PHF2: variants seen among roughly 807,000 people sequenced by gnomAD.
PHF2 encodes lysine-specific demethylase PHF2.
Under a neutral mutation model 120.5 loss-of-function variants are expected in PHF2, and 27 were observed. The ratio of observed to expected loss-of-function variants is 0.22; its 90% CI spans 0.17 to 0.31. PHF2 has a LOEUF of 0.31. Ranked by LOEUF, PHF2 falls within the 10% of genes least tolerant of loss-of-function variation. PHF2 has a pLI of 1.00. For missense variants in PHF2, 1,024 were observed against 1,434.8 expected, an observed-to-expected ratio of 0.71 and a Z score of 4.63; for synonymous variants, 568 against 592.5, an observed-to-expected ratio of 0.96 and a Z score of 0.60.
intron 1 of PHF2, among the ~76,000 whole-genome samples, chr9:93,606,559 G>GT (rs1825546896): frequency 6.6e-6 from 1 of 152,162 alleles, no homozygotes; most frequent in Non-Finnish European, 1.5e-5. Flanking sequence ...TAATTGGGTT[G>GT]TTTTCTTATT....
rs1826545874 is a variant in PHF2 at position 93,660,524 on chromosome 9, G to A, written c.1662G>A (p.Glu554=). 6.3e-7 allele frequency: 1 copy of A among 1,592,196 alleles called. No homozygotes were observed. Among genetic ancestry groups the A allele is most frequent in the Admixed American group, 1.8e-5 (1 of 56,584 alleles). ...ACCTGCTCGAAGCCCACACCAAGGA[G>A]GCACTGACCAAGATGGAGCCGCCCA... The part of the protein sequence containing the change: ...NLDLLEAHTK[E]ALTKMEPPKK... The change falls in exon 12 of 22, where the codon GAG becomes GAA. Residue 554 remains glutamate (E), a synonymous_variant. Coordinates refer to ENST00000359246, the MANE Select transcript of PHF2 (RefSeq NM_005392.4).
chr9:93,647,305 C>T (rs1344622804), intron 4 of PHF2, among the ~76,000 whole-genome samples: 1 of 152,218 alleles, frequency 6.6e-6, no homozygotes, highest in Non-Finnish European at 1.5e-5. Flanking sequence ...GGGTCCTGCC[C>T]TGCCACCAAG....
At chr9:93,672,283 T>C (rs1587722153) in intron 17 of PHF2, 3 of 156,224 alleles carry the variant, frequency 1.9e-5, no homozygotes, top group African/African-American at 5.6e-5. Context: ...TGGATGTAGG[T>C]ACAGGTGTAG....
intron 1 of PHF2, among the ~76,000 whole-genome samples, chr9:93,594,336 C>T (rs1034859591): frequency 2.6e-5 from 4 of 152,200 alleles, no homozygotes; most frequent in Non-Finnish European, 4.4e-5. Context: ...AAAAGGGCCC[C>T]GCCCAGTCAG....
Position 93,660,359 on chromosome 9 carries a change from G to C in PHF2, c.1497G>C (p.Met499Ile), listed in dbSNP as rs140965931. ...SKKKTPKTVK[M>I]PKPSKIPKPP... ...AAAAGACTCCCAAAACTGTGAAGAT[G>C]CCCAAGCCATCCAAAATCCCCAAGC... Residue 499 changes from methionine (M) to isoleucine (I), a missense_variant, in exon 12 of 22, where the codon ATG (methionine) becomes ATC (isoleucine). Coordinates refer to ENST00000359246, the MANE Select transcript of PHF2 (RefSeq NM_005392.4). The C allele has an allele frequency of 1.9e-6, 3 of 1,593,458 alleles. No homozygotes were observed. In the East Asian group the frequency reaches 6.8e-5, roughly 36 times the overall value.
chr9:93,650,141 C>T (rs200569627), intron 5 of PHF2, among the ~76,000 whole-genome samples: 1 of 150,534 alleles, frequency 6.6e-6, no homozygotes, highest in South Asian at 2.1e-4. Flanking sequence ...CTCACCAACA[C>T]GGTACACTCA....
chr9:93,632,191 A>G (rs552364187), intron 2 of PHF2, among the ~76,000 whole-genome samples: 246 of 152,278 alleles, frequency 1.6e-3, no homozygotes, highest in Non-Finnish European at 2.9e-3. Context: ...CCTGCCCTTG[A>G]TTGCAGCTAA....
intron 14 of PHF2, 102 bp downstream of exon 14, chr9:93,663,737 TACAC>T (rs982632364): frequency 2.9e-6 from 2 of 678,128 alleles, no homozygotes; most frequent in East Asian, 2.5e-5. Context: ...ACACACACAT[TACAC>T]ACACACTATG....
In PHF2 at chr9:93,577,030, C is replaced by T. The variant is rs1273518835; in HGVS notation, c.98+159C>T. On this transcript the variant is annotated intron_variant, in intron 1 of 21. Coordinates refer to ENST00000359246, the MANE Select transcript of PHF2 (RefSeq NM_005392.4). ...GCGCCCCGGTCGGGGCTGGGCCGTG[C>T]CGGGCCGCGCGCCCTTTTGTGCCCA... Among the ~76,000 whole-genome samples, 5 of 143,790 alleles carry T rather than the reference C, an allele frequency of 3.5e-5. No individual in the cohort carries two copies. In the South Asian group the frequency reaches 1.2e-3, roughly 33 times the overall value. The allele number at this position is 143,790 out of a possible 152,430, so 94.3% of individuals were successfully genotyped here.
chr9:93,675,308 A>G (rs913624474), intron 19 of PHF2, among the ~76,000 whole-genome samples: 3 of 152,214 alleles, frequency 2.0e-5, no homozygotes, highest in East Asian at 1.9e-4. Context: ...TTCTTCCTCA[A>G]TGGGCAGCTC....
chr9:93,657,992 G>A (rs547981286), intron 9 of PHF2, among the ~76,000 whole-genome samples, 153 bp from the exon 10 acceptor site: 2 of 152,186 alleles, frequency 1.3e-5, no homozygotes, highest in Non-Finnish European at 2.9e-5. Flanking sequence ...CAGGTTCCAA[G>A]AGGAACTGTT....
At chr9:93,671,743 T>G in intron 17 of PHF2, among the ~76,000 whole-genome samples, 3 of 125,346 alleles carry the variant, frequency 2.4e-5, no homozygotes, top group African/African-American at 6.2e-5. Flanking sequence ...TGGATGTAGG[T>G]ACAGGTGTAG....
rs770305630 is a variant in PHF2 at position 93,660,211 on chromosome 9, G to A, written c.1349G>A (p.Arg450Gln). The A allele has an allele frequency of 9.5e-6, 15 of 1,574,106 alleles. No individual in the cohort carries two copies. In the East Asian group the frequency reaches 2.7e-4, roughly 28 times the overall value. Residue 450 changes from arginine to glutamine, a missense_variant, in exon 12 of 22, where the codon CGA (arginine) becomes CAA (glutamine). This residue lies in a region of PHF2 where 677 missense variants were observed against 857.4 expected (regional missense o/e 0.79). Transcript: ENST00000359246. The part of the protein sequence containing the change: ...RLSENASKAV[R>Q]PEVNTVASSD... Reference sequence around the variant, plus strand: ...TCCCAGAATGCCTCCAAAGCCGTCCGACCGGAAGTGAATACTGTCGCCTCG... The same window carrying A: ...TCCCAGAATGCCTCCAAAGCCGTCCAACCGGAAGTGAATACTGTCGCCTCG...
intron 1 of PHF2, among the ~76,000 whole-genome samples, chr9:93,588,273 G>A (rs900723004): frequency 2.6e-5 from 4 of 152,226 alleles, no homozygotes; most frequent in African/African-American, 9.6e-5. Flanking sequence ...GATAAAGATG[G>A]TTCTGTCTTT....
chr9:93,661,582 G>A (rs1161401457), intron 12 of PHF2, among the ~76,000 whole-genome samples: 1 of 151,860 alleles, frequency 6.6e-6, no homozygotes, highest in East Asian at 1.9e-4. Flanking sequence ...TGGATGGATG[G>A]ATGAATAAAT....
intron 1 of PHF2, among the ~76,000 whole-genome samples, chr9:93,581,293 G>C (rs920741846): frequency 6.6e-6 from 1 of 152,202 alleles, no homozygotes; most frequent in Non-Finnish European, 1.5e-5. Flanking sequence ...CGCGCTGCAG[G>C]CCAGCTCTGT....
rs568895978 is a variant in PHF2, at chr9:93,674,896, C to T, written c.2627-31C>T. On this transcript the variant is annotated intron_variant, in intron 18 of 21. Coordinates refer to ENST00000359246, the MANE Select transcript of PHF2 (RefSeq NM_005392.4). ...CTCCGTGGACCTGCCCTGCACTCAG[C>T]GGGCCACGCCTTCCCTCTGCCTCCC... The T allele has an allele frequency of 3.4e-5, 52 of 1,541,642 alleles. No homozygotes were observed. The South Asian group carries it at 4.8e-4, about 14-fold the overall frequency.
chr9:93,642,725 C>G (rs1318198021), intron 3 of PHF2, among the ~76,000 whole-genome samples: 2 of 152,162 alleles, frequency 1.3e-5, no homozygotes, highest in Non-Finnish European at 2.9e-5. Context: ...CAGTAAGCCT[C>G]TTTAATTTGG....
At chr9:93,586,880 G>A (rs1288775995) in intron 1 of PHF2, among the ~76,000 whole-genome samples, 4 of 152,194 alleles carry the variant, frequency 2.6e-5, no homozygotes, top group South Asian at 2.1e-4. Context: ...ATCACCAGCC[G>A]CCTGCGAGTC....
Sources: gnomAD v4.1 joint callset for allele counts (sites outside exome capture counted in the v4.1 genomes callset) on GRCh38, gnomAD v4.1.1 for gene constraint, gnomAD v4.1.1 regional missense constraint, MANE v1.5 for transcripts, NCBI Gene and HGNC (gene_info 2026-07-23, HGNC 2026-07-21) for gene names.